The following PTPN1 variants were observed in gnomAD, a reference collection of about 807,000 sequenced individuals.
PTPN1 encodes the protein tyrosine-protein phosphatase non-receptor type 1.
A neutral mutation model predicts 59.9 loss-of-function variants in PTPN1; 12 were observed. That is an observed-to-expected ratio of 0.20 (90% CI 0.13 to 0.32). The LOEUF (loss-of-function observed/expected upper bound fraction) is 0.32, where lower values mean the gene tolerates loss of function less well. PTPN1 is among the 10% of genes least tolerant of loss of function. The pLI, the probability that PTPN1 is intolerant of heterozygous loss-of-function variation, is 1.00. For missense variants in PTPN1, 356 were observed against 549.2 expected (o/e 0.65, Z 3.52); for synonymous variants, 178 against 203.6 (o/e 0.87, Z 1.07).
intron 2 of PTPN1, among the ~76,000 whole-genome samples, chr20:50,564,688 A>G (rs746540498): frequency 8.5e-5 from 13 of 152,130 alleles, no homozygotes; most frequent in Non-Finnish European, 1.9e-4. Context: ...TCACAACAAG[A>G]TATGACCTGA....
chr20:50,554,440 A>G (rs2082717402), intron 1 of PTPN1, among the ~76,000 whole-genome samples: 1 of 150,886 alleles, frequency 6.6e-6, no homozygotes, highest in Non-Finnish European at 1.5e-5. Flanking sequence ...TTATTTGGGG[A>G]AAAAATAAAG....
At chr20:50,535,452 A>G (rs751042582) in intron 1 of PTPN1, among the ~76,000 whole-genome samples, 2 of 151,930 alleles carry the variant, frequency 1.3e-5, no homozygotes, top group South Asian at 4.2e-4. Context: ...TTTCTATTGA[A>G]TCCCCTCTTT....
At chr20:50,556,928 A>G (rs944579091) in intron 1 of PTPN1, among the ~76,000 whole-genome samples, 1 of 152,202 alleles carries the variant, frequency 6.6e-6, no homozygotes, top group African/African-American at 2.4e-5. Flanking sequence ...TTTCCACAAG[A>G]TCAGTGAGTG....
chr20:50,516,895 A>G (rs1601384373), intron 1 of PTPN1, among the ~76,000 whole-genome samples: 1 of 152,364 alleles, frequency 6.6e-6, no homozygotes, highest in African/African-American at 2.4e-5. Flanking sequence ...TCATTTGAAT[A>G]ATATGATAGT....
Position 50,523,167 on chromosome 20 carries a change from A to G in PTPN1, c.63+12577A>G, listed in dbSNP as rs139325171. Among the ~76,000 whole-genome samples the G allele has an allele frequency of 9.5e-3, 1,453 of 152,288 alleles. 9 individuals are homozygous for G. The highest frequency in any genetic ancestry group is 0.015 in the Non-Finnish European group (998 of 68,012). ...AGGGGAAGAAGAGGAAACGGGAGGA[A>G]TGTTCCAGATTAGGGAAATAGCTAG... On this transcript the variant is annotated intron_variant, in intron 1 of 9. Transcript: ENST00000371621.
chr20:50,576,040 G>A (rs968109708), intron 5 of PTPN1, among the ~76,000 whole-genome samples: 1 of 152,216 alleles, frequency 6.6e-6, no homozygotes, highest in Non-Finnish European at 1.5e-5. Context: ...TAGCAGTGCA[G>A]CTGATGTGAG....
chr20:50,574,262 C>A (rs144085614), intron 4 of PTPN1: 1 of 446,652 alleles, frequency 2.2e-6, no homozygotes, highest in Non-Finnish European at 3.9e-6. Flanking sequence ...TGCAGGATCC[C>A]GTTGCCACGT....
At chr20:50,512,927 T>C (rs1479096343) in intron 1 of PTPN1, among the ~76,000 whole-genome samples, 1 of 152,240 alleles carries the variant, frequency 6.6e-6, no homozygotes, top group Non-Finnish European at 1.5e-5. Context: ...TTATACAAAG[T>C]CATACTTTGA....
chr20:50,520,136 C>T (rs575569132), intron 1 of PTPN1, among the ~76,000 whole-genome samples: 1 of 152,092 alleles, frequency 6.6e-6, no homozygotes, highest in Non-Finnish European at 1.5e-5. Flanking sequence ...CTTTGGGAGG[C>T]CGAGGTGGGT....
In PTPN1 at chr20:50,515,220, A is replaced by C. The variant is rs2082523947; in HGVS notation, c.63+4630A>C. On this transcript the variant is annotated intron_variant, in intron 1 of 9. Transcript: ENST00000371621. ...TTCCCTCCTATGTGGCTTCCATTCT[A>C]GCCAGACAAGAAAGGGCAGCGTTCT... 2.0e-5 allele frequency among the ~76,000 whole-genome samples: 3 copies of C among 152,210 alleles called. No homozygotes were observed. The South Asian group carries it at 6.2e-4, about 32-fold the overall frequency.
intron 6 of PTPN1, 120 bp downstream of exon 6, chr20:50,578,749 T>A: frequency 1.2e-6 from 1 of 844,964 alleles, no homozygotes; most frequent in Non-Finnish European, 1.8e-6. Context: ...TGTGTTAGTC[T>A]GTTTTTGCGT....
chr20:50,577,160 T>A (rs1249728081), intron 5 of PTPN1, among the ~76,000 whole-genome samples: 11 of 152,282 alleles, frequency 7.2e-5, no homozygotes, highest in Non-Finnish European at 1.3e-4. Context: ...CAGGGTTAAA[T>A]ATGTATTATT....
chr20:50,578,656 G>A (rs1019983191), intron 6 of PTPN1, 27 bp downstream of exon 6: 2 of 1,597,358 alleles, frequency 1.3e-6, no homozygotes, highest in Non-Finnish European at 8.6e-7. Flanking sequence ...GGGTGCCCTG[G>A]GGAGCTCCTC....
At chr20:50,529,338 A>G (rs2082590841) in intron 1 of PTPN1, among the ~76,000 whole-genome samples, 1 of 152,088 alleles carries the variant, frequency 6.6e-6, no homozygotes, top group African/African-American at 2.4e-5. Context: ...AAAGCCAGAG[A>G]TTTTTCAAGT....
rs1473624032 is a variant in PTPN1, at chr20:50,561,447, A to T, written c.148A>T (p.Ser50Cys). ...AAACCGAAATAGGTACAGAGACGTC[A>T]GTCCCTGTAAGTATCCACGTGGCCG... The part of the protein sequence containing the change: ...NKNRNRYRDV[S>C]PFDHSRIKLH... The change falls in exon 2 of 10, where the codon AGT becomes TGT. Residue 50 changes from serine to cysteine, a missense_variant. By Grantham distance (112) the Ser-to-Cys change is moderately radical (BLOSUM62 -1). Around this residue, in one of 3 missense-constraint regions of PTPN1, gnomAD observed 194 missense variants for 344.2 expected, o/e 0.56. Coordinates refer to ENST00000371621, the MANE Select transcript of PTPN1 (RefSeq NM_002827.4). The T allele has an allele frequency of 1.2e-6, 2 of 1,601,458 alleles. No individual in the cohort carries two copies. Among genetic ancestry groups the T allele is most frequent in the African/African-American group, 1.3e-5 (1 of 74,656 alleles).
intron 1 of PTPN1, among the ~76,000 whole-genome samples, chr20:50,546,691 C>G (rs1244432232): frequency 6.6e-6 from 1 of 152,178 alleles, no homozygotes; most frequent in African/African-American, 2.4e-5. Flanking sequence ...AAATTGTGCA[C>G]CAAAGTATCA....
chr20:50,532,705 T>C (rs2082606632), intron 1 of PTPN1, among the ~76,000 whole-genome samples: 1 of 152,180 alleles, frequency 6.6e-6, no homozygotes, highest in African/African-American at 2.4e-5. Flanking sequence ...CTGGGCTCCA[T>C]GTGGATGATG....
intron 1 of PTPN1, among the ~76,000 whole-genome samples, chr20:50,522,801 TG>T (rs1381277466): frequency 1.3e-5 from 2 of 152,210 alleles, no homozygotes; most frequent in African/African-American, 4.8e-5. Context: ...TTGCCCAGGC[TG>T]GGGTGCAATG....
chr20:50,558,391 ATTTAAAATACTTGAGATAT>A (rs2082735249), intron 1 of PTPN1, among the ~76,000 whole-genome samples: 1 of 152,238 alleles, frequency 6.6e-6, no homozygotes, highest in African/African-American at 2.4e-5. Context: ...AATGGTCAAT[ATTTAAAATACTTGAGATAT>A]TTTGCTTTTA....
Sources: gnomAD v4.1 joint callset for allele counts (sites outside exome capture counted in the v4.1 genomes callset) on GRCh38, gnomAD v4.1.1 for gene constraint, gnomAD v4.1.1 regional missense constraint, MANE v1.5 for transcripts, NCBI Gene and HGNC (gene_info 2026-07-23, HGNC 2026-07-21) for gene names.